SNX29: variants seen among roughly 807,000 people sequenced by gnomAD.
The protein encoded by SNX29 is sorting nexin 29.
Under a neutral mutation model 102.1 loss-of-function variants are expected in SNX29, and 78 were observed. The ratio of observed to expected loss-of-function variants is 0.76; its 90% CI spans 0.64 to 0.92. The LOEUF (loss-of-function observed/expected upper bound fraction) is 0.92. SNX29 is among the 40% of genes least tolerant of loss of function. The pLI, the probability that SNX29 is intolerant of heterozygous loss-of-function variation, is 0.00. For synonymous variants in SNX29, 580 were observed against 414.5 expected, an observed-to-expected ratio of 1.40 and a Z score of -4.85; for missense variants, 1,280 against 1,061.7, an observed-to-expected ratio of 1.21 and a Z score of -2.86.
chr16:12,494,406 G>A (rs1226205730), intron 19 of SNX29, among the ~76,000 whole-genome samples: 2 of 152,238 alleles, frequency 1.3e-5, no homozygotes, highest in Non-Finnish European at 2.9e-5. Context: ...CGCGCACTGA[G>A]AGACGGGCAT....
chr16:12,568,142 T>A (rs1333536200), intron 20 of SNX29, among the ~76,000 whole-genome samples: 1 of 152,146 alleles, frequency 6.6e-6, no homozygotes, highest in Non-Finnish European at 1.5e-5. Context: ...CAAAGTTGCC[T>A]TGGACTTAGA....
chr16:12,423,326 G>A (rs553354894), intron 18 of SNX29, among the ~76,000 whole-genome samples: 2 of 152,152 alleles, frequency 1.3e-5, no homozygotes, highest in South Asian at 2.1e-4. Context: ...CTCACAGACC[G>A]TCTCTACCCA....
At chr16:12,358,395 C>A (rs1020539327) in intron 16 of SNX29, among the ~76,000 whole-genome samples, 1 of 152,144 alleles carries the variant, frequency 6.6e-6, no homozygotes, top group Non-Finnish European at 1.5e-5. Context: ...AATGGTGAAA[C>A]CCCGTCTCTA....
At chr16:12,147,737 A>C (rs1158155752) in intron 13 of SNX29, among the ~76,000 whole-genome samples, 1 of 152,152 alleles carries the variant, frequency 6.6e-6, no homozygotes, top group Non-Finnish European at 1.5e-5. Flanking sequence ...CGTAGAAATA[A>C]TTTTTCAAAT....
chr16:12,197,364 G>A (rs2076803102), intron 13 of SNX29, among the ~76,000 whole-genome samples: 2 of 152,022 alleles, frequency 1.3e-5, no homozygotes, highest in African/African-American at 4.8e-5. Context: ...AAGGTCAGGA[G>A]TTCAAGACCA....
chr16:12,028,539 C>G (rs761945253), intron 4 of SNX29, among the ~76,000 whole-genome samples: 1 of 151,300 alleles, frequency 6.6e-6, no homozygotes, highest in Non-Finnish European at 1.5e-5. Flanking sequence ...GGTTTTTAAA[C>G]TTTTATAGAG....
chr16:12,181,777 T>G (rs1395995906), intron 13 of SNX29, among the ~76,000 whole-genome samples: 1 of 152,148 alleles, frequency 6.6e-6, no homozygotes, highest in African/African-American at 2.4e-5. Flanking sequence ...GCAGATACCA[T>G]GTAGGCCTTG....
intron 15 of SNX29, among the ~76,000 whole-genome samples, chr16:12,326,342 TC>T (rs1555511688): frequency 2.0e-5 from 3 of 148,490 alleles, no homozygotes; most frequent in Admixed American, 6.7e-5. Context: ...TTTTTTTTTT[TC>T]CCTGTCCAGG....
Position 12,410,208 on chromosome 16 carries a change from G to A in SNX29, c.2037+6679G>A, listed in dbSNP as rs191805593. Among the ~76,000 whole-genome samples, 29 of 152,170 alleles carry A rather than the reference G, an allele frequency of 1.9e-4. No individual in the cohort carries two copies. The East Asian group carries it at 4.3e-3, about 22-fold the overall frequency. On this transcript the variant is annotated intron_variant, in intron 18 of 20. Coordinates refer to ENST00000566228, the MANE Select transcript of SNX29 (RefSeq NM_032167.5). ...ACAGGGTTTCGCTGTGTTAGCCAGG[G>A]TGGTCTTGATCTTCTGACCTCGTGA...
At chr16:12,253,872 T>C (rs1162727507) in intron 14 of SNX29, among the ~76,000 whole-genome samples, 1 of 151,646 alleles carries the variant, frequency 6.6e-6, no homozygotes, top group Non-Finnish European at 1.5e-5. Flanking sequence ...TGGCAGGTGG[T>C]TATAGGAGCT....
intron 18 of SNX29, among the ~76,000 whole-genome samples, chr16:12,421,528 A>T (rs1337365904): frequency 6.6e-6 from 1 of 152,248 alleles, no homozygotes; most frequent in African/African-American, 2.4e-5. Flanking sequence ...CAAGGAAAAC[A>T]CTGGCCTCTT....
intron 15 of SNX29, among the ~76,000 whole-genome samples, chr16:12,351,487 C>G (rs1567467390): frequency 6.6e-6 from 1 of 152,116 alleles, no homozygotes; most frequent in Non-Finnish European, 1.5e-5. Flanking sequence ...CAAGAAGCAT[C>G]TAATTTGTTA....
chr16:11,999,500 A>G, intron 2 of SNX29, 142 bp downstream of exon 2: 4 of 832,102 alleles, frequency 4.8e-6, no homozygotes, highest in Non-Finnish European at 7.5e-6. Context: ...CATTTTTCCC[A>G]GGAAATGATA....
At chr16:12,527,354 T>TAAAAA (rs759376406) in intron 20 of SNX29, 1 of 488,548 alleles carries the variant, frequency 2.0e-6, no homozygotes, top group Admixed American at 2.6e-5. Flanking sequence ...GATTTCTGGT[T>TAAAAA]AAAAAAAAAT....
chr16:12,488,946 A>G (rs530754551), intron 19 of SNX29, among the ~76,000 whole-genome samples: 2 of 152,112 alleles, frequency 1.3e-5, no homozygotes, highest in African/African-American at 4.8e-5. Context: ...TTATAAGACA[A>G]CTTGACTCCG....
chr16:12,450,505 C>G (rs1253670463), intron 18 of SNX29, among the ~76,000 whole-genome samples: 2 of 152,214 alleles, frequency 1.3e-5, no homozygotes, highest in Non-Finnish European at 2.9e-5. Flanking sequence ...TGTGCCCATT[C>G]CTGAACCGCT....
intron 13 of SNX29, among the ~76,000 whole-genome samples, chr16:12,195,610 C>T (rs192128553): frequency 1.2e-4 from 19 of 152,312 alleles, no homozygotes; most frequent in Admixed American, 1.2e-3. Flanking sequence ...TCTTAACCGC[C>T]CAAGAGATTC....
At chr16:12,258,392 T>G (rs937436541) in intron 14 of SNX29, among the ~76,000 whole-genome samples, 3 of 152,128 alleles carry the variant, frequency 2.0e-5, no homozygotes, top group Admixed American at 6.5e-5. Context: ...AGCCCCATGA[T>G]GGAGCTTCGA....
chr16:12,446,477 A>G (rs1484533725), intron 18 of SNX29, among the ~76,000 whole-genome samples: 1 of 152,226 alleles, frequency 6.6e-6, no homozygotes. Context: ...AACTGCCTCT[A>G]ATTGAGTGGG....
Sources: gnomAD v4.1 joint callset for allele counts (sites outside exome capture counted in the v4.1 genomes callset) on GRCh38, gnomAD v4.1.1 for gene constraint, MANE v1.5 for transcripts, NCBI Gene and HGNC (gene_info 2026-07-23, HGNC 2026-07-21) for gene names.